Variants in TRABD2B observed in about 807,000 individuals in gnomAD.
TRABD2B encodes the protein TraB domain containing 2B.
A neutral mutation model predicts 40.1 loss-of-function variants in TRABD2B; 14 were observed. The ratio of observed to expected loss-of-function variants is 0.35; its 90% CI spans 0.23 to 0.55. The LOEUF (loss-of-function observed/expected upper bound fraction) is 0.55, where lower values mean the gene tolerates loss of function less well. Ranked by LOEUF, TRABD2B falls within the 20% of genes least tolerant of loss-of-function variation. TRABD2B has a pLI of 0.90. For synonymous variants in TRABD2B, 263 were observed against 277.0 expected (o/e 0.95, Z 0.50); for missense variants, 541 against 648.6 (o/e 0.83, Z 1.80).
intron 2 of TRABD2B, among the ~76,000 whole-genome samples, chr1:47,862,371 A>G (rs11809266): frequency 0.023 from 3,507 of 152,272 alleles, 141 homozygotes; most frequent in African/African-American, 0.079. Context: ...TGGAACTAAT[A>G]AACAATTATA....
intron 2 of TRABD2B, among the ~76,000 whole-genome samples, chr1:47,987,260 C>T (rs528678879): frequency 8.1e-4 from 123 of 152,188 alleles, no homozygotes; most frequent in African/African-American, 2.9e-3. Context: ...AGAGCTGGCC[C>T]CTTCCAACTC....
chr1:47,961,055 C>T (rs979309081), intron 2 of TRABD2B, among the ~76,000 whole-genome samples: 8 of 152,118 alleles, frequency 5.3e-5, no homozygotes, highest in Non-Finnish European at 1.2e-4. Flanking sequence ...AGAAATAATG[C>T]CGCATATCTA....
chr1:47,789,397 C>T (rs1173242804), intron 4 of TRABD2B, among the ~76,000 whole-genome samples: 1 of 152,196 alleles, frequency 6.6e-6, no homozygotes, highest in Non-Finnish European at 1.5e-5. Context: ...CGGTCCCCAG[C>T]AGACATCACA....
At chr1:47,844,634 T>G (rs777541943) in intron 2 of TRABD2B, among the ~76,000 whole-genome samples, 1 of 152,166 alleles carries the variant, frequency 6.6e-6, no homozygotes, top group African/African-American at 2.4e-5. Context: ...CAGAATGAAC[T>G]AAATTCTTCA....
intron 2 of TRABD2B, among the ~76,000 whole-genome samples, chr1:47,985,576 T>C (rs1645908352): frequency 6.6e-6 from 1 of 152,220 alleles, no homozygotes. Context: ...AGGCCCTAGG[T>C]TGTCCCTCAG....
chr1:47,785,396 G>T (rs923979896), intron 4 of TRABD2B, among the ~76,000 whole-genome samples: 2 of 152,214 alleles, frequency 1.3e-5, no homozygotes, highest in African/African-American at 4.8e-5. Context: ...TGTCTGGGTG[G>T]AACCAGAGAT....
chr1:47,925,438 C>T (rs1216304284), intron 2 of TRABD2B, among the ~76,000 whole-genome samples: 2 of 114,680 alleles, frequency 1.7e-5, no homozygotes, highest in South Asian at 3.3e-4. Context: ...AAGAACTGAC[C>T]TCCAAAGAAA....
chr1:47,822,008 G>C (rs576138625), intron 2 of TRABD2B, among the ~76,000 whole-genome samples: 1 of 152,292 alleles, frequency 6.6e-6, no homozygotes, highest in South Asian at 2.1e-4. Flanking sequence ...TTCACACAGA[G>C]ACGTGCACAA....
At chr1:47,920,661 G>A (rs1644889395) in intron 2 of TRABD2B, among the ~76,000 whole-genome samples, 1 of 152,216 alleles carries the variant, frequency 6.6e-6, no homozygotes, top group African/African-American at 2.4e-5. Context: ...TTTAGCCACT[G>A]GTCAAAGGTC....
At chr1:47,892,231 T>G (rs986141076) in intron 2 of TRABD2B, among the ~76,000 whole-genome samples, 3 of 152,216 alleles carry the variant, frequency 2.0e-5, no homozygotes, top group Non-Finnish European at 2.9e-5. Context: ...CAGAAACTGC[T>G]GACAGACTGG....
chr1:47,772,401 C>T (rs1644388557), intron 6 of TRABD2B, among the ~76,000 whole-genome samples: 2 of 151,838 alleles, frequency 1.3e-5, no homozygotes, highest in South Asian at 4.2e-4. Context: ...AGGACAGGGG[C>T]AGCAGACCTC....
At chr1:47,955,384 G>A (rs544734925) in intron 2 of TRABD2B, among the ~76,000 whole-genome samples, 3 of 152,118 alleles carry the variant, frequency 2.0e-5, no homozygotes, top group East Asian at 3.9e-4. Context: ...CAGACTCCAC[G>A]TCACCATCTG....
chr1:47,836,736 G>A (rs544702178), intron 2 of TRABD2B, among the ~76,000 whole-genome samples: 2 of 152,328 alleles, frequency 1.3e-5, no homozygotes, highest in Non-Finnish European at 2.9e-5. Context: ...TATGTGGGCG[G>A]AGCCCTCATG....
intron 2 of TRABD2B, among the ~76,000 whole-genome samples, chr1:47,952,745 C>A (rs1343294506): frequency 6.6e-6 from 1 of 152,176 alleles, no homozygotes; most frequent in Non-Finnish European, 1.5e-5. Context: ...GTGACCCAGG[C>A]CCTCCTTGAC....
At chr1:47,803,818 G>T (rs1362728477) in intron 2 of TRABD2B, among the ~76,000 whole-genome samples, 1 of 152,138 alleles carries the variant, frequency 6.6e-6, no homozygotes. Flanking sequence ...TTATTTCTTT[G>T]ACACTGCTAT....
chr1:47,814,326 T>C (rs924348632), intron 2 of TRABD2B, among the ~76,000 whole-genome samples: 1 of 152,166 alleles, frequency 6.6e-6, no homozygotes, highest in African/African-American at 2.4e-5. Flanking sequence ...ACTGAATTTA[T>C]TAAGGAGGGA....
chr1:47,918,710 A>G (rs929993911), intron 2 of TRABD2B, among the ~76,000 whole-genome samples: 6 of 152,088 alleles, frequency 3.9e-5, no homozygotes, highest in Non-Finnish European at 7.4e-5. Context: ...AAGGACTCCA[A>G]GCTCTTCCTG....
At chr1:47,780,697 G>T (rs549913222) in intron 4 of TRABD2B, among the ~76,000 whole-genome samples, 1 of 152,170 alleles carries the variant, frequency 6.6e-6, no homozygotes, top group Admixed American at 6.5e-5. Context: ...TGGCACAGTG[G>T]GGGAGGCTGT....
chr1:47,990,854 T>G (rs1456971869), intron 2 of TRABD2B, among the ~76,000 whole-genome samples: 1 of 124,988 alleles, frequency 8.0e-6, no homozygotes, highest in African/African-American at 3.1e-5. Flanking sequence ...GTTTTAGTGT[T>G]GAGGCTGGGA....
Sources: gnomAD v4.1 joint callset for allele counts (sites outside exome capture counted in the v4.1 genomes callset) on GRCh38, gnomAD v4.1.1 for gene constraint, MANE v1.5 for transcripts, NCBI Gene and HGNC (gene_info 2026-07-23, HGNC 2026-07-21) for gene names.